KIAA1549L: variants seen among roughly 807,000 people sequenced by gnomAD.
The protein encoded by KIAA1549L is KIAA1549 like.
In KIAA1549L, 88 loss-of-function variants were observed where a neutral mutation model predicts 160.7. The observed-to-expected ratio is 0.55, with a 90% CI of 0.46 to 0.65. The LOEUF is 0.65. KIAA1549L is among the 30% of genes least tolerant of loss of function. The pLI is 0.00. For missense variants in KIAA1549L, 2,258 were observed against 2,437.5 expected (o/e 0.93, Z 1.55); for synonymous variants, 950 against 976.7 (o/e 0.97, Z 0.51).
At chr11:33,579,340 T>C (rs1855559949) in intron 10 of KIAA1549L, among the ~76,000 whole-genome samples, 1 of 152,076 alleles carries the variant, frequency 6.6e-6, no homozygotes, top group South Asian at 2.1e-4. Context: ...GGCATCCCTG[T>C]GATATGTGTC....
At chr11:33,441,254 CATT>C (rs1241033350) in intron 1 of KIAA1549L, among the ~76,000 whole-genome samples, 1 of 151,936 alleles carries the variant, frequency 6.6e-6, no homozygotes, top group African/African-American at 2.4e-5. Flanking sequence ...ATGAACTCAT[CATT>C]TTTTATGGCC....
At chr11:33,460,967 A>G (rs1420432327) in intron 1 of KIAA1549L, among the ~76,000 whole-genome samples, 5 of 152,040 alleles carry the variant, frequency 3.3e-5, no homozygotes, top group Non-Finnish European at 7.4e-5. Context: ...ATTATGGTAG[A>G]CTCATTTTCT....
intron 1 of KIAA1549L, among the ~76,000 whole-genome samples, chr11:33,511,992 CT>C (rs1853237453): frequency 6.6e-6 from 1 of 152,284 alleles, no homozygotes; most frequent in Admixed American, 6.5e-5. Flanking sequence ...CTAGAGCTTC[CT>C]TAGAGTAAGA....
At chr11:33,406,884 G>A (rs998467984) in intron 1 of KIAA1549L, among the ~76,000 whole-genome samples, 11 of 152,164 alleles carry the variant, frequency 7.2e-5, no homozygotes, top group African/African-American at 2.7e-4. Context: ...GACCTACTTA[G>A]ATTGGCTCCA....
chr11:33,586,762 C>A (rs997318324), intron 11 of KIAA1549L, among the ~76,000 whole-genome samples: 1 of 152,140 alleles, frequency 6.6e-6, no homozygotes, highest in South Asian at 2.1e-4. Flanking sequence ...GGATAACTTA[C>A]CCAGCTCTGT....
At chr11:33,403,749 T>C (rs1850588659) in intron 1 of KIAA1549L, 1 of 152,286 alleles carries the variant, frequency 6.6e-6, no homozygotes, top group African/African-American at 2.4e-5. Context: ...TCTTTCTTTT[T>C]CTTCCAAGTT....
At chr11:33,540,598 T>C (rs1445800908) in intron 1 of KIAA1549L, among the ~76,000 whole-genome samples, 1 of 152,232 alleles carries the variant, frequency 6.6e-6, no homozygotes, top group Non-Finnish European at 1.5e-5. Context: ...AGGCTGCATG[T>C]GGTAACATAG....
intron 4 of KIAA1549L, among the ~76,000 whole-genome samples, chr11:33,548,484 C>T (rs1406044181): frequency 6.6e-6 from 1 of 152,176 alleles, no homozygotes; most frequent in Non-Finnish European, 1.5e-5. Context: ...AAAGTATTTA[C>T]ATTGTTCATG....
At chr11:33,399,324 A>T (rs906163526) in intron 1 of KIAA1549L, among the ~76,000 whole-genome samples, 6 of 152,140 alleles carry the variant, frequency 3.9e-5, no homozygotes, top group Admixed American at 3.9e-4. Flanking sequence ...TTTCTCCTCT[A>T]TTCTAAATTT....
chr11:33,458,084 A>G (rs1237529514), intron 1 of KIAA1549L, among the ~76,000 whole-genome samples: 5 of 152,106 alleles, frequency 3.3e-5, no homozygotes, highest in Non-Finnish European at 7.4e-5. Flanking sequence ...AGAAGTGGCT[A>G]TTTGAGGAGG....
intron 15 of KIAA1549L, among the ~76,000 whole-genome samples, chr11:33,616,824 A>G (rs1210054370): frequency 6.6e-6 from 1 of 152,150 alleles, no homozygotes; most frequent in Non-Finnish European, 1.5e-5. Context: ...GAATAGCTAG[A>G]ATCTTAGAAT....
chr11:33,544,394 C>T (rs1174636044), intron 2 of KIAA1549L, 58 bp downstream of exon 2: 1 of 1,542,758 alleles, frequency 6.5e-7, no homozygotes, highest in East Asian at 2.2e-5. Flanking sequence ...GGCATGACTG[C>T]TTTTGTGGTC....
chr11:33,654,862 G>C (rs1852010473), intron 17 of KIAA1549L, among the ~76,000 whole-genome samples: 1 of 152,220 alleles, frequency 6.6e-6, no homozygotes, highest in African/African-American at 2.4e-5. Flanking sequence ...TATTGAGTGG[G>C]TTGGCCCTTA....
At chr11:33,643,967 A>C (rs1183428451) in intron 16 of KIAA1549L, among the ~76,000 whole-genome samples, 1 of 152,190 alleles carries the variant, frequency 6.6e-6, no homozygotes, top group East Asian at 1.9e-4. Context: ...AGAGCTTCTA[A>C]GAGCAGAAGA....
chr11:33,530,608 A>C (rs945028853), intron 1 of KIAA1549L, among the ~76,000 whole-genome samples: 1 of 151,522 alleles, frequency 6.6e-6, no homozygotes, highest in Non-Finnish European at 1.5e-5. Context: ...AGAAGAAGAG[A>C]GAAGAACCCC....
At chr11:33,497,200 T>C (rs540113620) in intron 1 of KIAA1549L, among the ~76,000 whole-genome samples, 29 of 152,154 alleles carry the variant, frequency 1.9e-4, no homozygotes, top group Non-Finnish European at 3.2e-4. Flanking sequence ...AGAACCTAAA[T>C]GCTGCAAGAG....
chr11:33,668,041 C>G lies in KIAA1549L; in HGVS notation c.6328C>G (p.Pro2110Ala). ...ASQQSLAEND[P>A]SDAPLTNIST... ...GCAGCAGAGCCTGGCAGAAAACGAC[C>G]CGTCTGACGCTCCCCTGACCAACAT... Residue 2110 changes from proline to alanine, a missense_variant, in exon 21 of 21, where the codon CCG becomes GCG. By Grantham distance (27) the Pro-to-Ala change is conservative. Coordinates refer to ENST00000658780, the MANE Select transcript of KIAA1549L (RefSeq NM_012194.3). The G allele has an allele frequency of 6.2e-7, 1 of 1,614,030 alleles. No homozygotes were observed. The highest frequency in any genetic ancestry group is 1.3e-5 in the African/African-American group (1 of 75,054).
chr11:33,557,985 G>C (rs1471791770), intron 6 of KIAA1549L, among the ~76,000 whole-genome samples: 1 of 152,016 alleles, frequency 6.6e-6, no homozygotes, highest in Non-Finnish European at 1.5e-5. Context: ...ATAAAATGAA[G>C]AGCTCTTCCC....
chr11:33,508,023 T>G (rs999281398), intron 1 of KIAA1549L, among the ~76,000 whole-genome samples: 10 of 152,328 alleles, frequency 6.6e-5, no homozygotes, highest in African/African-American at 2.4e-4. Flanking sequence ...CTCTGCATAA[T>G]CATGAGGCTG....
Sources: gnomAD v4.1 joint callset for allele counts (sites outside exome capture counted in the v4.1 genomes callset) on GRCh38, gnomAD v4.1.1 for gene constraint, MANE v1.5 for transcripts, NCBI Gene and HGNC (gene_info 2026-07-23, HGNC 2026-07-21) for gene names.